Variants in MPPED2 observed in about 807,000 individuals in gnomAD.
The protein encoded by MPPED2 is metallophosphoesterase MPPED2.
MPPED2 carries 5 observed loss-of-function variants against 33.0 expected under a neutral mutation model. The ratio of observed to expected loss-of-function variants is 0.15; its 90% CI spans 0.08 to 0.32. The LOEUF (loss-of-function observed/expected upper bound fraction) is 0.32, where lower values mean the gene tolerates loss of function less well. Among genes scored for constraint, MPPED2 ranks in the 10% least tolerant of loss-of-function variants. MPPED2 has a pLI of 1.00. For synonymous variants in MPPED2, 136 were observed against 141.9 expected (o/e 0.96, Z 0.29); for missense variants, 275 against 372.1 (o/e 0.74, Z 2.15).
chr11:30,442,275 A>G (rs1018857740), intron 4 of MPPED2, among the ~76,000 whole-genome samples: 2 of 152,208 alleles, frequency 1.3e-5, no homozygotes, highest in Admixed American at 6.5e-5. Context: ...ATAGAGCCCA[A>G]CTAATTAGAT....
chr11:30,451,700 A>C, intron 4 of MPPED2: 1 of 968,134 alleles, frequency 1.0e-6, no homozygotes, highest in Middle Eastern at 5.3e-4. Flanking sequence ...TTTCAAAAAC[A>C]TTAGAGAAAC....
chr11:30,580,357 G>A lies in MPPED2; in HGVS notation c.17C>T (p.Pro6Leu). ...CGTTATGGTAACTTTGCCTTGAGAA[G>A]GAATCCCATGTGCCATCCTTCCTCC... MAHGIPSQGKVTITVD... is the reference protein window; with the variant it reads MAHGILSQGKVTITVD... Residue 6 changes from proline (P) to leucine (L), a missense_variant, in exon 2 of 7, where the codon CCT becomes CTT. By Grantham distance (98) the Pro-to-Leu change is moderately conservative (BLOSUM62 -3). Transcript: ENST00000358117. The A allele has an allele frequency of 6.2e-7, 1 of 1,614,050 alleles. No individual in the cohort carries two copies. The highest frequency in any genetic ancestry group is 8.5e-7 in the Non-Finnish European group (1 of 1,179,990).
At chr11:30,396,913 C>A (rs75983710) in intron 6 of MPPED2, among the ~76,000 whole-genome samples, 31 of 152,182 alleles carry the variant, frequency 2.0e-4, no homozygotes, top group African/African-American at 7.2e-4. Context: ...ACTAGTGATT[C>A]CCTGCAAAGA....
intron 3 of MPPED2, among the ~76,000 whole-genome samples, chr11:30,533,259 T>C (rs1219468369): frequency 2.6e-5 from 4 of 152,146 alleles, no homozygotes; most frequent in Non-Finnish European, 5.9e-5. Flanking sequence ...CATTAGCAAC[T>C]TCAGAAGGAT....
intron 3 of MPPED2, among the ~76,000 whole-genome samples, chr11:30,526,329 G>C (rs1264489297): frequency 6.6e-6 from 1 of 151,528 alleles, no homozygotes; most frequent in East Asian, 1.9e-4. Context: ...GATGAGAAAG[G>C]GGAAAGAAAA....
chr11:30,556,299 T>A (rs1434647729), intron 2 of MPPED2, among the ~76,000 whole-genome samples: 1 of 152,176 alleles, frequency 6.6e-6, no homozygotes, highest in Non-Finnish European at 1.5e-5. Flanking sequence ...TAACCCAATA[T>A]GCTCTTCTCC....
chr11:30,572,428 T>C (rs1264193011), intron 2 of MPPED2, among the ~76,000 whole-genome samples: 1 of 152,094 alleles, frequency 6.6e-6, no homozygotes, highest in Admixed American at 6.6e-5. Context: ...AGAACGTATT[T>C]TTAAGAATAA....
At chr11:30,474,524 A>C (rs1328599234) in intron 4 of MPPED2, among the ~76,000 whole-genome samples, 1 of 152,182 alleles carries the variant, frequency 6.6e-6, no homozygotes, top group African/African-American at 2.4e-5. Flanking sequence ...GAAGGAGCAC[A>C]TGACTATACC....
intron 4 of MPPED2, among the ~76,000 whole-genome samples, chr11:30,440,145 C>T (rs976541215): frequency 6.6e-6 from 1 of 152,104 alleles, no homozygotes; most frequent in Non-Finnish European, 1.5e-5. Context: ...GCCTGGCCAA[C>T]ATGGTGAAAC....
chr11:30,452,093 G>C, intron 4 of MPPED2: 2 of 985,384 alleles, frequency 2.0e-6, no homozygotes, highest in East Asian at 2.3e-4. Flanking sequence ...ACTGTGGAAA[G>C]AAAGCAGAAA....
chr11:30,529,659 T>G (rs1466848006), intron 3 of MPPED2, among the ~76,000 whole-genome samples: 2 of 152,220 alleles, frequency 1.3e-5, no homozygotes, highest in Non-Finnish European at 2.9e-5. Flanking sequence ...GGAATGCACA[T>G]GTATAACATA....
rs1027217025 is a variant in MPPED2, at chr11:30,461,520, C to T, written c.536+33776G>A. 2.6e-5 allele frequency among the ~76,000 whole-genome samples: 4 copies of T among 152,072 alleles called. No homozygotes were observed. In the South Asian group the frequency reaches 8.3e-4, roughly 32 times the overall value. On this transcript the variant is annotated intron_variant, in intron 4 of 6. Transcript: ENST00000358117. ...GAGAGCCAGCAAGTCTACCCTTGCT[C>T]GAGTGGAAAGCACTCCGTAGCTGCT...
rs199611856 is a variant in MPPED2 at position 30,583,134 on chromosome 11, C to CTTTTTTTTTTTTTTTTTTTTTTTT, written c.-121-2664_-121-2641dup. On this transcript the variant is annotated intron_variant, in intron 1 of 6. Transcript: ENST00000358117. ...CACAAACACCTGGAAAAGACTTTTT[C>CTTTTTTTTTTTTTTTTTTTTTTTT]TTTTTTTTTTTTTTTTTTTTTTTTT... is the stretch of plus-strand genomic sequence containing the variant. Among the ~76,000 whole-genome samples, 28 of 96,700 alleles carry CTTTTTTTTTTTTTTTTTTTTTTTT rather than the reference C, an allele frequency of 2.9e-4. 1 individual carries two copies. Among genetic ancestry groups the CTTTTTTTTTTTTTTTTTTTTTTTT allele is most frequent in the African/African-American group, 5.8e-4 (12 of 20,680 alleles). 63.4% of individuals were successfully genotyped at this position (96,700 alleles called of 152,430 possible).
intron 6 of MPPED2, among the ~76,000 whole-genome samples, chr11:30,393,069 CA>C (rs1351624038): frequency 6.6e-6 from 1 of 152,106 alleles, no homozygotes; most frequent in Non-Finnish European, 1.5e-5. Flanking sequence ...TGGGAACCTT[CA>C]ATTTGTGCCC....
chr11:30,538,868 C>T (rs1201510545), intron 2 of MPPED2, among the ~76,000 whole-genome samples: 1 of 152,046 alleles, frequency 6.6e-6, no homozygotes, highest in Admixed American at 6.6e-5. Context: ...GATATCCTGA[C>T]CCAGAGGCAC....
intron 4 of MPPED2, among the ~76,000 whole-genome samples, chr11:30,450,300 C>A: frequency 6.6e-6 from 1 of 152,292 alleles, no homozygotes. Flanking sequence ...TCCAAGAGTC[C>A]TACTCCTTGT....
intron 4 of MPPED2, among the ~76,000 whole-genome samples, chr11:30,419,378 T>G (rs1055609016): frequency 2.0e-5 from 3 of 152,220 alleles, no homozygotes; most frequent in Non-Finnish European, 2.9e-5. Context: ...TACTCCTTGC[T>G]CTGGGTGAGA....
intron 4 of MPPED2, among the ~76,000 whole-genome samples, chr11:30,426,566 C>T (rs1407946501): frequency 6.6e-6 from 1 of 152,162 alleles, no homozygotes; most frequent in Non-Finnish European, 1.5e-5. Context: ...TACACTCATT[C>T]AACAGACATC....
At chr11:30,450,283 A>G (rs1950000357) in intron 4 of MPPED2, among the ~76,000 whole-genome samples, 1 of 152,240 alleles carries the variant, frequency 6.6e-6, no homozygotes, top group Non-Finnish European at 1.5e-5. Flanking sequence ...ACCCGCCCTC[A>G]TGGGGTTCCA....
Sources: allele counts gnomAD v4.1 joint callset (sites outside exome capture counted in the v4.1 genomes callset), GRCh38; gene constraint gnomAD v4.1.1; transcripts MANE v1.5; gene names NCBI Gene and HGNC (gene_info 2026-07-23, HGNC 2026-07-21).